VIPR2: variants seen among roughly 807,000 people sequenced by gnomAD.
The protein encoded by VIPR2 is vasoactive intestinal polypeptide receptor 2.
A neutral mutation model predicts 58.0 loss-of-function variants in VIPR2; 48 were observed. That is an observed-to-expected ratio of 0.83 (90% CI 0.66 to 1.05). The LOEUF (loss-of-function observed/expected upper bound fraction) is 1.05, where lower values mean the gene tolerates loss of function less well. Ranked by LOEUF, VIPR2 falls within the 50% of genes least tolerant of loss-of-function variation. The probability of loss-of-function intolerance (pLI) is 0.00; values close to 1 mark genes in which losing one functional copy is unlikely to be tolerated. For synonymous variants in VIPR2, 243 were observed against 235.2 expected (o/e 1.03, Z -0.30); for missense variants, 534 against 558.0 (o/e 0.96, Z 0.43).
intron 2 of VIPR2, among the ~76,000 whole-genome samples, chr7:159,139,758 C>T (rs1797386749): frequency 6.6e-6 from 1 of 152,244 alleles, no homozygotes; most frequent in Non-Finnish European, 1.5e-5. Context: ...GGTCACACCC[C>T]TCCAGACGCG....
chr7:159,031,522 C>T lies in VIPR2; in HGVS notation c.1143+306G>A. 1 of 985,366 alleles carries T rather than the reference C, an allele frequency of 1.0e-6. No homozygotes were observed. Among genetic ancestry groups the T allele is most frequent in the Non-Finnish European group, 1.2e-6 (1 of 829,906 alleles). 61.0% of individuals were successfully genotyped at this position (985,366 alleles called of 1,614,324 possible). On this transcript the variant is annotated intron_variant, in intron 12 of 12. Transcript: ENST00000262178. The surrounding 1 kb of genome is among the most constrained non-coding windows in gnomAD (Gnocchi z 4.0). The stretch of plus-strand genomic sequence containing the variant: ...CTATGGTCAGGAGCGAGACGCCGAC[C>T]ATGGGGAAAAACAGATTCTGTCTAG...
At chr7:159,074,243 C>T (rs147948772) in intron 4 of VIPR2, among the ~76,000 whole-genome samples, 4 of 152,098 alleles carry the variant, frequency 2.6e-5, no homozygotes, top group Admixed American at 6.6e-5. Context: ...ATAAACTGAG[C>T]GGAAAATGTT....
intron 4 of VIPR2, among the ~76,000 whole-genome samples, chr7:159,087,033 C>T (rs961453464): frequency 5.3e-5 from 8 of 152,176 alleles, no homozygotes; most frequent in South Asian, 4.1e-4. Flanking sequence ...CCAACAATAC[C>T]GAGGATCCTG....
At chr7:159,035,130 C>G (rs964143281) in intron 8 of VIPR2, among the ~76,000 whole-genome samples, 1 of 152,218 alleles carries the variant, frequency 6.6e-6, no homozygotes, top group Admixed American at 6.5e-5. Flanking sequence ...AGCTGTGACC[C>G]CTGGCTTGTA....
At chr7:159,083,555 C>CCAGGCAGCGAGCCACCAGAGCCA (rs1857020087) in intron 4 of VIPR2, among the ~76,000 whole-genome samples, 1 of 152,204 alleles carries the variant, frequency 6.6e-6, no homozygotes. Context: ...CAACAGCTTT[C>CCAGGCAGCGAGCCACCAGAGCCA]CAGGCAGCGA....
intron 2 of VIPR2, among the ~76,000 whole-genome samples, chr7:159,132,830 T>TTA (rs1563355180): frequency 1.8e-4 from 25 of 139,380 alleles, no homozygotes; most frequent in Non-Finnish European, 2.1e-4. Context: ...CCGATTGATT[T>TTA]GAGACAGAAT....
In VIPR2 at chr7:159,093,893, G is replaced by A. The variant is rs535756201; in HGVS notation, c.357+9864C>T. On this transcript the variant is annotated intron_variant, in intron 4 of 12. Transcript: ENST00000262178. The surrounding 1 kb of genome is among the most constrained non-coding windows in gnomAD (Gnocchi z 6.7). ...CGGCCACCCCATGCCCAGTGCTGACGGGCGCCCCTCGTGACTCCCTCTTTC... is the reference window on the plus strand; with the variant it reads ...CGGCCACCCCATGCCCAGTGCTGACAGGCGCCCCTCGTGACTCCCTCTTTC... 2.0e-5 allele frequency among the ~76,000 whole-genome samples: 3 copies of A among 152,324 alleles called. No individual in the cohort carries two copies. The highest frequency in any genetic ancestry group is 6.5e-5 in the Admixed American group (1 of 15,294).
chr7:159,080,557 C>G (rs1856849584), intron 4 of VIPR2, among the ~76,000 whole-genome samples: 3 of 152,158 alleles, frequency 2.0e-5, no homozygotes, highest in Admixed American at 1.3e-4. Context: ...AAAACTGGCA[C>G]AAGACAGGGA....
chr7:159,052,224 A>G (rs190649595), intron 5 of VIPR2, among the ~76,000 whole-genome samples: 71 of 152,294 alleles, frequency 4.7e-4, no homozygotes, highest in Middle Eastern at 6.8e-3. Context: ...GAAAACACAA[A>G]TTGACAATAC....
intron 5 of VIPR2, among the ~76,000 whole-genome samples, chr7:159,046,367 A>G (rs1202465912): frequency 6.6e-6 from 1 of 152,220 alleles, no homozygotes; most frequent in African/African-American, 2.4e-5. Context: ...CCATACAACT[A>G]AATACTATTC....
In VIPR2 at chr7:159,119,381, G is replaced by C. The variant is rs535531784; in HGVS notation, c.152-9462C>G. Among the ~76,000 whole-genome samples the C allele has an allele frequency of 3.9e-5, 6 of 152,316 alleles. No individual in the cohort carries two copies. The South Asian group carries it at 1.0e-3, about 26-fold the overall frequency. On this transcript the variant is annotated intron_variant, in intron 2 of 12. Transcript: ENST00000262178. ...GGGTGCACGGGGCCTCGACTGCAGG[G>C]TGGCGGCACTCAGAGCTCCTGCAGG...
chr7:159,132,251 G>A (rs1170470469), intron 2 of VIPR2, among the ~76,000 whole-genome samples: 48 of 143,252 alleles, frequency 3.4e-4, no homozygotes, highest in Non-Finnish European at 6.4e-4. Flanking sequence ...CAGCCCCCGG[G>A]CCACTGCACC....
chr7:159,050,650 GA>G (rs1276222651), intron 5 of VIPR2, among the ~76,000 whole-genome samples: 2 of 152,002 alleles, frequency 1.3e-5, no homozygotes, highest in Non-Finnish European at 2.9e-5. Flanking sequence ...AAAAATATAG[GA>G]AAAAATAGTA....
intron 4 of VIPR2, among the ~76,000 whole-genome samples, chr7:159,074,379 A>C (rs1163620963): frequency 1.3e-5 from 2 of 152,192 alleles, no homozygotes; most frequent in African/African-American, 4.8e-5. Flanking sequence ...TCCTATGTTG[A>C]AACTTAACTT....
rs529065089 is a variant in VIPR2 at position 159,085,389 on chromosome 7, G to A, written c.357+18368C>T. On this transcript the variant is annotated intron_variant, in intron 4 of 12. Transcript: ENST00000262178. ...CAGTTTACTGCAACCTCTGCCTCCC[G>A]GGTTCAAGTGATTCTTTTGCCTCAG... 1.5e-4 allele frequency among the ~76,000 whole-genome samples: 23 copies of A among 152,240 alleles called. No individual in the cohort carries two copies. The East Asian group carries it at 2.7e-3, about 18-fold the overall frequency.
rs1796717467 is a variant in VIPR2, at chr7:159,127,997, A to G, written c.151+14449T>C. ...TGTGTCTCTTCCTGGATCATCCCAG[A>G]ACATACATCCACAGCGCCAGGACAA... On this transcript the variant is annotated intron_variant, in intron 2 of 12. Coordinates refer to ENST00000262178, the MANE Select transcript of VIPR2 (RefSeq NM_003382.5). The surrounding 1 kb of genome is among the most constrained non-coding windows in gnomAD (Gnocchi z 4.6). 6.6e-6 allele frequency among the ~76,000 whole-genome samples: 1 copy of G among 152,174 alleles called. No individual in the cohort carries two copies. The highest frequency in any genetic ancestry group is 6.5e-5 in the Admixed American group (1 of 15,278).
At chr7:159,044,261 G>A (rs1165984099) in intron 5 of VIPR2, among the ~76,000 whole-genome samples, 1 of 151,912 alleles carries the variant, frequency 6.6e-6, no homozygotes, top group African/African-American at 2.4e-5. Context: ...AGTCTTCAGC[G>A]ACCAATAAAG....
chr7:159,091,655 C>T (rs1186863875), intron 4 of VIPR2, among the ~76,000 whole-genome samples: 1 of 152,180 alleles, frequency 6.6e-6, no homozygotes, highest in Non-Finnish European at 1.5e-5. Context: ...AACGAGGGGC[C>T]ATGAGACCTG....
intron 4 of VIPR2, among the ~76,000 whole-genome samples, chr7:159,089,721 A>C (rs1218554679): frequency 6.6e-6 from 1 of 152,222 alleles, no homozygotes; most frequent in Non-Finnish European, 1.5e-5. Flanking sequence ...AACAACAGCA[A>C]AAACCTGTCC....
Sources: allele counts gnomAD v4.1 joint callset (sites outside exome capture counted in the v4.1 genomes callset), GRCh38; gene constraint gnomAD v4.1.1; non-coding constraint Gnocchi (gnomAD v3.1); transcripts MANE v1.5; gene names NCBI Gene and HGNC (gene_info 2026-07-23, HGNC 2026-07-21).